CCNB2: variants seen among roughly 807,000 people sequenced by gnomAD.
CCNB2 encodes the protein cyclin B2.
Under a neutral mutation model 51.1 loss-of-function variants are expected in CCNB2, and 39 were observed. The ratio of observed to expected loss-of-function variants is 0.76; its 90% CI spans 0.59 to 1.00. The LOEUF is 1.00. CCNB2 is among the 50% of genes least tolerant of loss of function. The probability of loss-of-function intolerance (pLI) is 0.00; values close to 1 mark genes in which losing one functional copy is unlikely to be tolerated. For missense variants in CCNB2, 472 were observed against 470.3 expected, an observed-to-expected ratio of 1.00 and a Z score of -0.03; for synonymous variants, 174 against 165.5, an observed-to-expected ratio of 1.05 and a Z score of -0.40.
chr15:59,116,262 C>A (rs929774394), intron 5 of CCNB2, among the ~76,000 whole-genome samples: 1 of 152,140 alleles, frequency 6.6e-6, no homozygotes, highest in Admixed American at 6.5e-5. Context: ...TCTATTCAGA[C>A]CATGTTTAGT....
intron 7 of CCNB2, among the ~76,000 whole-genome samples, chr15:59,120,551 AT>A (rs1353988601): frequency 6.6e-6 from 1 of 152,186 alleles, no homozygotes; most frequent in African/African-American, 2.4e-5. Flanking sequence ...ACAGTAATAG[AT>A]TATAGTGTAT....
intron 8 of CCNB2, chr15:59,124,402 T>G: frequency 3.9e-6 from 1 of 257,426 alleles, no homozygotes; most frequent in Non-Finnish European, 7.5e-6. Flanking sequence ...TTTTATTGTC[T>G]TTTAATTGTT....
Position 59,116,688 on chromosome 15 carries a change from A to G in CCNB2, c.598-2A>G, listed in dbSNP as rs1304511863. 6.3e-7 allele frequency: 1 copy of G among 1,599,966 alleles called. No homozygotes were observed. Among genetic ancestry groups the G allele is most frequent in the South Asian group, 1.1e-5 (1 of 90,508 alleles). On this transcript the variant is annotated splice_acceptor_variant, in intron 5 of 8. Transcript: ENST00000288207. LOFTEE classifies it high-confidence loss of function. ...ACTTTTGTTACATTAATTTTCCATT[A>G]GGTTCAGCCAGTTTCCCGGAAGAAG...
chr15:59,105,190 C>T lies in CCNB2; in HGVS notation c.-79C>T, dbSNP rs2079230201. 7.2e-7 allele frequency: 1 copy of T among 1,385,498 alleles called. No individual in the cohort carries two copies. The highest frequency in any genetic ancestry group is 1.4e-5 in the African/African-American group (1 of 70,046). The allele number at this position is 1,385,498 out of a possible 1,614,324, so 85.8% of individuals were successfully genotyped here. A position where few individuals can be genotyped will look rare whatever the true frequency, so the allele number is the denominator to read the frequency against. ...GGCTCGGAGAGCAGTCCTAACGGCG[C>T]CTCGTACGCTAGTGTCCTCCCTTTT... On this transcript the variant is annotated 5_prime_UTR_variant, in exon 1 of 9. Transcript: ENST00000288207.
At chr15:59,122,794 C>A (rs144702271) in intron 7 of CCNB2, among the ~76,000 whole-genome samples, 2 of 152,060 alleles carry the variant, frequency 1.3e-5, no homozygotes, top group Admixed American at 6.6e-5. Context: ...CCTTGGCCTC[C>A]GAAAGTGCTG....
intron 7 of CCNB2, among the ~76,000 whole-genome samples, chr15:59,119,313 T>G (rs1373893675): frequency 6.6e-6 from 1 of 151,846 alleles, no homozygotes; most frequent in African/African-American, 2.4e-5. Flanking sequence ...ATTAAAAAAT[T>G]AGCTGGGTAT....
At position 59,124,963 on chromosome 15, in the gene CCNB2, G is replaced by GTCTA; in HGVS notation, c.*90_*93dup. 1 of 727,130 alleles carries GTCTA rather than the reference G, an allele frequency of 1.4e-6. No homozygotes were observed. The highest frequency in any genetic ancestry group is 2.2e-6 in the Non-Finnish European group (1 of 459,810). The allele number at this position is 727,130 out of a possible 1,614,324, so 45.0% of individuals were successfully genotyped here. Reference sequence around the variant, plus strand: ...TCTTGATTTTGTACATAGTCCTCTGGTCTATCTCATGAAACCTCTTCTCAG... The same window carrying GTCTA: ...TCTTGATTTTGTACATAGTCCTCTGGTCTATCTATCTCATGAAACCTCTTCTCAG... On this transcript the variant is annotated 3_prime_UTR_variant, in exon 9 of 9. Coordinates refer to ENST00000288207, the MANE Select transcript of CCNB2 (RefSeq NM_004701.4).
rs555445076 is a variant in CCNB2, at chr15:59,113,023, G to A, written c.268-1421G>A. On this transcript the variant is annotated intron_variant, in intron 3 of 8. Transcript: ENST00000288207. ...CACTCCAGCCTGGGCGACAGAGCGAGACTCCATCTCAAAAAAAAAAACATT... is the reference window on the plus strand; with the variant it reads ...CACTCCAGCCTGGGCGACAGAGCGAAACTCCATCTCAAAAAAAAAAACATT... Among the ~76,000 whole-genome samples the A allele has an allele frequency of 7.1e-4, 107 of 150,722 alleles. 1 individual carries two copies. Among genetic ancestry groups the A allele is most frequent in the Non-Finnish European group, 1.3e-3 (87 of 67,842 alleles).
chr15:59,119,235 ATTAAT>A (rs1355065022), intron 7 of CCNB2, among the ~76,000 whole-genome samples: 1 of 152,190 alleles, frequency 6.6e-6, no homozygotes, highest in Non-Finnish European at 1.5e-5. Context: ...AGAGGAAAGA[ATTAAT>A]TTAAGTACTT....
At chr15:59,105,343 C>G in intron 1 of CCNB2, 51 bp downstream of exon 1, 1 of 1,532,332 alleles carries the variant, frequency 6.5e-7, no homozygotes, top group South Asian at 1.2e-5. Context: ...GGCCCCACAG[C>G]TCCCCTGTCG....
Position 59,107,458 on chromosome 15 carries a change from T to C in CCNB2, c.153+8T>C. 6.2e-7 allele frequency: 1 copy of C among 1,614,034 alleles called. No individual in the cohort carries two copies. The highest frequency in any genetic ancestry group is 1.1e-5 in the South Asian group (1 of 91,068). ...GCAGCACAAGTAGCTAAGGTAACAA[T>C]GATGAAGACTGAATGTGAATACAGA... is the stretch of plus-strand genomic sequence containing the variant. On this transcript the variant is annotated splice_region_variant and intron_variant, in intron 2 of 8. Coordinates refer to ENST00000288207, the MANE Select transcript of CCNB2 (RefSeq NM_004701.4).
chr15:59,118,887 C>T (rs2079290303), intron 7 of CCNB2, among the ~76,000 whole-genome samples: 1 of 152,144 alleles, frequency 6.6e-6, no homozygotes, highest in Non-Finnish European at 1.5e-5. Flanking sequence ...TAGGCAAGGT[C>T]ACCAGGGCAG....
In CCNB2 at chr15:59,107,543, C is replaced by A. The variant is rs1051832905; in HGVS notation, c.154-14C>A. On this transcript the variant is annotated splice_polypyrimidine_tract_variant and intron_variant, in intron 2 of 8. Transcript: ENST00000288207. ...TGGCTGTCTTGCGCTATTCATGTTT[C>A]TTTTTCCTTATAGAAAGCTCAGAAC... The A allele has an allele frequency of 9.3e-6, 15 of 1,613,922 alleles. No individual in the cohort carries two copies. Among genetic ancestry groups the A allele is most frequent in the Non-Finnish European group, 1.3e-5 (15 of 1,179,960 alleles).
chr15:59,117,168 A>T (rs1284897528), intron 6 of CCNB2, 60 bp from the exon 7 acceptor site: 4 of 1,575,050 alleles, frequency 2.5e-6, no homozygotes, highest in Admixed American at 1.7e-5. Context: ...CTTCACGCAG[A>T]ATTTTGCAAG....
chr15:59,121,839 C>T (rs1192329791), intron 7 of CCNB2, among the ~76,000 whole-genome samples: 2 of 142,696 alleles, frequency 1.4e-5, no homozygotes, highest in African/African-American at 5.3e-5. Context: ...GGCTGAGACA[C>T]GAGAATTGCC....
At chr15:59,118,677 C>G (rs1566957434) in intron 7 of CCNB2, among the ~76,000 whole-genome samples, 1 of 152,334 alleles carries the variant, frequency 6.6e-6, no homozygotes, top group East Asian at 1.9e-4. Context: ...GGGCGAGACT[C>G]TGTCTCCAAA....
At chr15:59,115,640 C>T (rs1302766402) in intron 5 of CCNB2, 1 of 152,144 alleles carries the variant, frequency 6.6e-6, no homozygotes, top group Non-Finnish European at 1.5e-5. Flanking sequence ...AATTACTTTA[C>T]AATAATGACC....
At position 59,107,653 on chromosome 15, in the gene CCNB2, G is replaced by A; in HGVS notation, c.250G>A (p.Glu84Lys). The change falls in exon 3 of 9, where the codon GAA becomes AAA. Residue 84 changes from glutamate (E) to lysine (K), a missense_variant. Transcript: ENST00000288207. ...PTASVKPVQM[E>K]KLAPKGPSPT... ...TGCTTCTGTCAAACCAGTACAGATG[G>A]AAAAGTTGGCTCCAAAGGTAGGAAG... 1.9e-6 allele frequency: 3 copies of A among 1,613,586 alleles called. No homozygotes were observed. The highest frequency in any genetic ancestry group is 2.5e-6 in the Non-Finnish European group (3 of 1,179,884).
At chr15:59,115,031 C>G (rs2079273465) in intron 5 of CCNB2, among the ~76,000 whole-genome samples, 155 bp downstream of exon 5, 1 of 152,172 alleles carries the variant, frequency 6.6e-6, no homozygotes, top group African/African-American at 2.4e-5. Context: ...GGGAAGTAAT[C>G]CAAGTGTGTC....
Sources: allele counts gnomAD v4.1 joint callset (sites outside exome capture counted in the v4.1 genomes callset), GRCh38; gene constraint gnomAD v4.1.1; transcripts MANE v1.5; gene names NCBI Gene and HGNC (gene_info 2026-07-23, HGNC 2026-07-21).